Variants in KCNH8 observed in about 807,000 individuals in gnomAD.
The protein encoded by KCNH8 is potassium voltage-gated channel subfamily H member 8.
In KCNH8, 70 loss-of-function variants were observed where a neutral mutation model predicts 103.6. The observed-to-expected ratio is 0.68, with a 90% CI of 0.56 to 0.82. The LOEUF (loss-of-function observed/expected upper bound fraction) is 0.82, where lower values mean the gene tolerates loss of function less well. Ranked by LOEUF, KCNH8 falls within the 40% of genes least tolerant of loss-of-function variation. The pLI, the probability that KCNH8 is intolerant of heterozygous loss-of-function variation, is 0.00. For synonymous variants in KCNH8, 498 were observed against 489.4 expected (o/e 1.02, Z -0.23); for missense variants, 1,217 against 1,329.9 (o/e 0.92, Z 1.32).
At chr3:19,404,180 T>A (rs2066657760) in intron 7 of KCNH8, among the ~76,000 whole-genome samples, 1 of 151,938 alleles carries the variant, frequency 6.6e-6, no homozygotes, top group Non-Finnish European at 1.5e-5. Flanking sequence ...GTATTTCCTG[T>A]CTCAGTAAAT....
chr3:19,275,717 G>A (rs913536986), intron 2 of KCNH8, among the ~76,000 whole-genome samples: 1 of 152,112 alleles, frequency 6.6e-6, no homozygotes, highest in African/African-American at 2.4e-5. Context: ...GGGTATTCCA[G>A]GGAACATTCC....
intron 11 of KCNH8, among the ~76,000 whole-genome samples, chr3:19,487,001 T>C (rs767219124): frequency 2.0e-5 from 3 of 152,190 alleles, no homozygotes; most frequent in Non-Finnish European, 4.4e-5. Context: ...ATCCGTACTT[T>C]TTGCGCACCC....
In KCNH8 at chr3:19,533,847, G is replaced by T. The variant is rs2069216353; in HGVS notation, c.3072G>T (p.Gln1024His). The T allele has an allele frequency of 4.3e-6, 7 of 1,614,038 alleles. No individual in the cohort carries two copies. The highest frequency in any genetic ancestry group is 3.3e-5 in the South Asian group (3 of 91,090). Reference protein sequence around the residue: ...PHSDSTLTPLQSISATLSSSV... With the variant: ...PHSDSTLTPLHSISATLSSSV... Reference sequence around the variant, plus strand: ...CAGATTCTACGTTGACGCCTCTGCAGTCCATTTCAGCAACTCTCTCATCTT... The same window carrying T: ...CAGATTCTACGTTGACGCCTCTGCATTCCATTTCAGCAACTCTCTCATCTT... The change falls in exon 16 of 16, where the codon CAG becomes CAT. Residue 1024 changes from glutamine (Q) to histidine (H), a missense_variant. Gln to His is a conservative substitution (Grantham distance 24). Around this residue, in one of 3 missense-constraint regions of KCNH8, gnomAD observed 558 missense variants for 495.8 expected, o/e 1.13. Coordinates refer to ENST00000328405, the MANE Select transcript of KCNH8 (RefSeq NM_144633.3).
chr3:19,524,430 A>G (rs2069027692), intron 15 of KCNH8, among the ~76,000 whole-genome samples: 1 of 151,950 alleles, frequency 6.6e-6, no homozygotes, highest in Non-Finnish European at 1.5e-5. Context: ...TTTTGTGGAC[A>G]TAGGCTTTTA....
At chr3:19,529,554 C>T (rs1055079279) in intron 15 of KCNH8, among the ~76,000 whole-genome samples, 2 of 152,136 alleles carry the variant, frequency 1.3e-5, no homozygotes, top group African/African-American at 4.8e-5. Flanking sequence ...GCATTCTTTG[C>T]CTTCAACATT....
intron 7 of KCNH8, among the ~76,000 whole-genome samples, chr3:19,415,800 C>T (rs975307765): frequency 3.3e-5 from 5 of 151,972 alleles, no homozygotes; most frequent in African/African-American, 9.7e-5. Context: ...GTAGTTGTGC[C>T]AATTTATTGT....
intron 2 of KCNH8, among the ~76,000 whole-genome samples, chr3:19,278,818 T>C (rs528647292): frequency 6.6e-6 from 1 of 152,270 alleles, no homozygotes; most frequent in East Asian, 1.9e-4. Context: ...GAATATAATG[T>C]GAAATGATGG....
intron 15 of KCNH8, among the ~76,000 whole-genome samples, chr3:19,528,667 C>G (rs1295242490): frequency 1.3e-5 from 2 of 152,064 alleles, no homozygotes; most frequent in East Asian, 3.9e-4. Flanking sequence ...AATTTTGTAT[C>G]AGGCAACTTT....
intron 3 of KCNH8, among the ~76,000 whole-genome samples, chr3:19,319,588 T>C (rs573713871): frequency 3.0e-4 from 46 of 152,194 alleles, no homozygotes; most frequent in African/African-American, 3.9e-4. Flanking sequence ...TAGTTTAAAG[T>C]TGGGTAATGT....
Position 19,299,660 on chromosome 3 carries a change from TAA to T in KCNH8, c.442+18335_442+18336del, listed in dbSNP as rs2065040257. 2.0e-5 allele frequency among the ~76,000 whole-genome samples: 3 copies of T among 149,112 alleles called. No individual in the cohort carries two copies. In the South Asian group the frequency reaches 6.2e-4, roughly 31 times the overall value. On this transcript the variant is annotated intron_variant, in intron 3 of 15. Transcript: ENST00000328405. ...AACTTAAAAAAAAATAAAACAAAAA[TAA>T]AAATAAAAAATAAAAAAGTTTTAAT... is the stretch of plus-strand genomic sequence containing the variant.
rs538596217 is a variant in KCNH8 at position 19,208,575 on chromosome 3, G to A, written c.77-45079G>A. On this transcript the variant is annotated intron_variant, in intron 1 of 15. Transcript: ENST00000328405. ...ATTAATACACCGCTGGCTACCATAA[G>A]GCATAAATAATAAATTATAGTCCTT... Among the ~76,000 whole-genome samples, 5 of 151,966 alleles carry A rather than the reference G, an allele frequency of 3.3e-5. 1 individual carries two copies. Among genetic ancestry groups the A allele is most frequent in the Admixed American group, 1.3e-4 (2 of 15,216 alleles).
intron 14 of KCNH8, among the ~76,000 whole-genome samples, 177 bp from the exon 15 acceptor site, chr3:19,517,821 G>C (rs2068900983): frequency 6.6e-6 from 1 of 151,956 alleles, no homozygotes; most frequent in Admixed American, 6.6e-5. Flanking sequence ...AGTATATCTG[G>C]TGCCATCCAG....
intron 11 of KCNH8, among the ~76,000 whole-genome samples, chr3:19,508,194 C>A (rs925072705): frequency 6.6e-6 from 1 of 152,012 alleles, no homozygotes; most frequent in Admixed American, 6.6e-5. Flanking sequence ...GGATATTGGC[C>A]TGAAGTTTTC....
intron 7 of KCNH8, among the ~76,000 whole-genome samples, chr3:19,407,661 G>A (rs1341959621): frequency 6.6e-6 from 1 of 152,058 alleles, no homozygotes; most frequent in African/African-American, 2.4e-5. Flanking sequence ...GACCCTCTCT[G>A]CTTCATGTCC....
At chr3:19,529,418 GTCT>G (rs1171926100) in intron 15 of KCNH8, among the ~76,000 whole-genome samples, 8 of 152,066 alleles carry the variant, frequency 5.3e-5, no homozygotes, top group African/African-American at 1.9e-4. Context: ...ATGTACACAT[GTCT>G]TCTTGAGTGG....
At chr3:19,226,381 T>A (rs2063931753) in intron 1 of KCNH8, among the ~76,000 whole-genome samples, 1 of 152,212 alleles carries the variant, frequency 6.6e-6, no homozygotes. Flanking sequence ...ACAGAGACTC[T>A]CTGCCTTGAA....
At chr3:19,355,529 TACAACA>T (rs2065869089) in intron 5 of KCNH8, among the ~76,000 whole-genome samples, 29 of 152,190 alleles carry the variant, frequency 1.9e-4, no homozygotes. Flanking sequence ...GTGGCACATA[TACAACA>T]TGGAATAGTA....
intron 1 of KCNH8, among the ~76,000 whole-genome samples, chr3:19,203,166 C>G (rs1483684793): frequency 6.6e-6 from 1 of 151,848 alleles, no homozygotes; most frequent in Non-Finnish European, 1.5e-5. Context: ...AATGAGAGCC[C>G]CCCTTGTGTA....
intron 7 of KCNH8, among the ~76,000 whole-genome samples, chr3:19,425,377 A>G (rs1027904910): frequency 1.3e-5 from 2 of 152,112 alleles, no homozygotes; most frequent in Non-Finnish European, 2.9e-5. Context: ...CCTTATTTAC[A>G]CTTGTATTAG....
Sources: gnomAD v4.1 joint callset for allele counts (sites outside exome capture counted in the v4.1 genomes callset) on GRCh38, gnomAD v4.1.1 for gene constraint, gnomAD v4.1.1 regional missense constraint, MANE v1.5 for transcripts, NCBI Gene and HGNC (gene_info 2026-07-23, HGNC 2026-07-21) for gene names.